Variants in CFAP43 observed in about 807,000 individuals in gnomAD.
The protein encoded by CFAP43 is cilia- and flagella-associated protein 43.
CFAP43 carries 155 observed loss-of-function variants against 218.9 expected under a neutral mutation model. That is an observed-to-expected ratio of 0.71 (90% CI 0.62 to 0.81). CFAP43 has a LOEUF of 0.81. Ranked by LOEUF, CFAP43 falls within the 30% of genes least tolerant of loss-of-function variation. The pLI, the probability that CFAP43 is intolerant of heterozygous loss-of-function variation, is 0.00. For synonymous variants in CFAP43, 645 were observed against 681.3 expected (o/e 0.95, Z 0.83); for missense variants, 1,778 against 1,954.3 (o/e 0.91, Z 1.70).
rs774348058 is a variant in CFAP43, at chr10:104,161,913, C to T, written c.3414+48G>A. ...GACAAAAATGGTAAAACTTAAGTAG[C>T]TCTTTCCACCCCATTCCACCTTCTA... On this transcript the variant is annotated intron_variant, in intron 26 of 37. Transcript: ENST00000357060. 5 of 1,558,674 alleles carry T rather than the reference C, an allele frequency of 3.2e-6. No homozygotes were observed. In the South Asian group the frequency reaches 4.8e-5, roughly 15 times the overall value.
intron 27 of CFAP43, among the ~76,000 whole-genome samples, chr10:104,157,650 A>G (rs928472985): frequency 3.3e-5 from 5 of 151,990 alleles, no homozygotes; most frequent in African/African-American, 1.2e-4. Flanking sequence ...TTCACTGAAA[A>G]AGGGAGACCT....
intron 28 of CFAP43, among the ~76,000 whole-genome samples, chr10:104,150,274 C>T (rs1370729717): frequency 2.0e-5 from 3 of 152,172 alleles, no homozygotes; most frequent in African/African-American, 7.2e-5. Flanking sequence ...TTCCCCCTCA[C>T]TCCCAGTATA....
intron 24 of CFAP43, 125 bp downstream of exon 24, chr10:104,163,969 T>C: frequency 1.2e-6 from 1 of 865,356 alleles, no homozygotes; most frequent in African/African-American, 1.7e-5. Context: ...CATGTCTTTC[T>C]GTTACCTGCA....
intron 1 of CFAP43, 62 bp downstream of exon 1, chr10:104,232,120 G>A (rs2091465700): frequency 6.5e-7 from 1 of 1,545,536 alleles, no homozygotes; most frequent in Admixed American, 1.9e-5. Flanking sequence ...GGAGGGAGGA[G>A]GGGACTTGGG....
chr10:104,210,783 CTT>C (rs68153454), intron 5 of CFAP43, among the ~76,000 whole-genome samples: 4 of 75,456 alleles, frequency 5.3e-5, no homozygotes, highest in Non-Finnish European at 4.6e-5. Flanking sequence ...GTGAAACACT[CTT>C]TTTTTTTTTT....
At position 104,203,951 on chromosome 10, in the gene CFAP43, C is replaced by A. The variant is rs1318008735; in HGVS notation, c.964-148G>T. On this transcript the variant is annotated intron_variant, in intron 7 of 37. Transcript: ENST00000357060. ...TTGCATAGATGCACTGTCCTCTCAT[C>A]TTTATTTAGACAACTTTTAACTATG... is the stretch of plus-strand genomic sequence containing the variant. The A allele has an allele frequency of 6.2e-6, 4 of 642,644 alleles. No homozygotes were observed. The Admixed American group carries it at 1.7e-4, about 27-fold the overall frequency. 39.8% of individuals were successfully genotyped at this position (642,644 alleles called of 1,614,324 possible). A position where few individuals can be genotyped will look rare whatever the true frequency, so the allele number is the denominator to read the frequency against.
intron 5 of CFAP43, among the ~76,000 whole-genome samples, chr10:104,210,467 A>G (rs2090821753): frequency 6.6e-6 from 1 of 151,884 alleles, no homozygotes; most frequent in African/African-American, 2.4e-5. Flanking sequence ...CCCGGCTTCA[A>G]GTGATTCTCC....
In CFAP43 at chr10:104,218,009, C is replaced by T. The variant is rs1015027609; in HGVS notation, c.417-3583G>A. On this transcript the variant is annotated intron_variant, in intron 3 of 37. Coordinates refer to ENST00000357060, the MANE Select transcript of CFAP43 (RefSeq NM_025145.7). ...AAACTGCTTAGACAACACTTGCTTG[C>T]GCCGTAAATACATATGGCAACACCT... Among the ~76,000 whole-genome samples, 14 of 152,302 alleles carry T rather than the reference C, an allele frequency of 9.2e-5. No individual in the cohort carries two copies. In the East Asian group the frequency reaches 9.7e-4, roughly 11 times the overall value.
intron 32 of CFAP43, 93 bp downstream of exon 32, chr10:104,143,333 A>T: frequency 9.0e-7 from 1 of 1,116,038 alleles, no homozygotes; most frequent in Non-Finnish European, 1.3e-6. Context: ...AGGGAAACCT[A>T]AATAATTAGC....
intron 25 of CFAP43, 74 bp downstream of exon 25, chr10:104,162,243 A>G (rs1315773149): frequency 2.0e-6 from 3 of 1,463,948 alleles, no homozygotes; most frequent in Non-Finnish European, 2.9e-6. Flanking sequence ...TTGATGGGTT[A>G]TTAAACCAAA....
chr10:104,153,442 T>C lies in CFAP43; in HGVS notation c.3541-716A>G, dbSNP rs1325532459. On this transcript the variant is annotated intron_variant, in intron 27 of 37. Coordinates refer to ENST00000357060, the MANE Select transcript of CFAP43 (RefSeq NM_025145.7). ...TGTTTATAACCCAAAGGATAAATGCTTGTGAGGATGAATATCCCATTCTCC... is the reference window on the plus strand; with the variant it reads ...TGTTTATAACCCAAAGGATAAATGCCTGTGAGGATGAATATCCCATTCTCC... 3.9e-5 allele frequency among the ~76,000 whole-genome samples: 6 copies of C among 152,326 alleles called. No individual in the cohort carries two copies. The East Asian group carries it at 1.2e-3, about 29-fold the overall frequency.
chr10:104,223,499 C>G (rs1204349295), intron 3 of CFAP43, among the ~76,000 whole-genome samples: 1 of 152,230 alleles, frequency 6.6e-6, no homozygotes, highest in Non-Finnish European at 1.5e-5. Context: ...TAAGATCACA[C>G]AGCTAGTAAT....
Position 104,131,473 on chromosome 10 carries a change from C to A in CFAP43, c.4689G>T (p.Lys1563Asn). ...GTAGTTTCTTGCAGTTTTCCACATT[C>A]TTTTTGTGCATCTGAAATTTTTGTT... is the stretch of plus-strand genomic sequence containing the variant. Reference protein sequence around the residue: ...TIAVLDKMHKKNVENCKKLLK... With the variant: ...TIAVLDKMHKNNVENCKKLLK... Residue 1563 changes from lysine (K) to asparagine (N), a missense_variant, in exon 37 of 38, where the codon AAG (lysine) becomes AAT (asparagine). Around this residue, in one of 3 missense-constraint regions of CFAP43, gnomAD observed 211 missense variants for 230.6 expected, o/e 0.91. Coordinates refer to ENST00000357060, the MANE Select transcript of CFAP43 (RefSeq NM_025145.7). 6.2e-7 allele frequency: 1 copy of A among 1,606,974 alleles called. No homozygotes were observed. The highest frequency in any genetic ancestry group is 8.5e-7 in the Non-Finnish European group (1 of 1,178,278).
chr10:104,172,580 A>G, intron 19 of CFAP43, 45 bp from the exon 20 acceptor site: 1 of 1,495,438 alleles, frequency 6.7e-7, no homozygotes, highest in Non-Finnish European at 8.9e-7. Flanking sequence ...AAAGAATTAA[A>G]CTGTAATAAG....
chr10:104,181,251 CCTCT>C (rs952213081), intron 17 of CFAP43, among the ~76,000 whole-genome samples: 1 of 152,002 alleles, frequency 6.6e-6, no homozygotes, highest in Admixed American at 6.6e-5. Context: ...CCTTTCTTTT[CCTCT>C]CTCTCTATGT....
chr10:104,174,607 C>T (rs1046366410), intron 19 of CFAP43, among the ~76,000 whole-genome samples: 11 of 152,134 alleles, frequency 7.2e-5, no homozygotes, highest in South Asian at 2.1e-4. Context: ...TTCACAAAAA[C>T]GGTATAAACT....
At chr10:104,150,201 G>A (rs111698953) in intron 28 of CFAP43, among the ~76,000 whole-genome samples, 4 of 152,238 alleles carry the variant, frequency 2.6e-5, no homozygotes, top group African/African-American at 9.6e-5. Context: ...TGAATATTTA[G>A]ATTGTTTCCA....
At chr10:104,190,987 C>G (rs1287098969) in intron 12 of CFAP43, among the ~76,000 whole-genome samples, 2 of 152,216 alleles carry the variant, frequency 1.3e-5, no homozygotes, top group African/African-American at 2.4e-5. Context: ...TGGAGACATG[C>G]TGAGGGCTTA....
intron 7 of CFAP43, among the ~76,000 whole-genome samples, chr10:104,205,064 T>A (rs1262938012): frequency 6.6e-6 from 1 of 151,616 alleles, no homozygotes; most frequent in Non-Finnish European, 1.5e-5. Context: ...AATACAATAA[T>A]TAGCAGGGCG....
Sources: gnomAD v4.1 joint callset for allele counts (sites outside exome capture counted in the v4.1 genomes callset) on GRCh38, gnomAD v4.1.1 for gene constraint, gnomAD v4.1.1 regional missense constraint, MANE v1.5 for transcripts, NCBI Gene and HGNC (gene_info 2026-07-23, HGNC 2026-07-21) for gene names.